CSNK1A1: variants seen among roughly 807,000 people sequenced by gnomAD.
CSNK1A1 encodes casein kinase I isoform alpha.
CSNK1A1 carries 7 observed loss-of-function variants against 46.1 expected under a neutral mutation model. The ratio of observed to expected loss-of-function variants is 0.15; its 90% CI spans 0.09 to 0.29. CSNK1A1 has a LOEUF of 0.29. Among genes scored for constraint, CSNK1A1 ranks in the 10% least tolerant of loss-of-function variants. The pLI, the probability that CSNK1A1 is intolerant of heterozygous loss-of-function variation, is 1.00. For missense variants in CSNK1A1, 96 were observed against 417.1 expected (o/e 0.23, Z 6.71); for synonymous variants, 137 against 141.5 (o/e 0.97, Z 0.23).
intron 9 of CSNK1A1, chr5:149,502,351 C>T (rs984986130): frequency 6.2e-6 from 6 of 964,132 alleles, no homozygotes; most frequent in Non-Finnish European, 4.9e-6. Context: ...TCTAAAAATT[C>T]CTTGTTGTGA....
chr5:149,521,270 CTTTTTTTTTTT>C (rs909460651), intron 3 of CSNK1A1, among the ~76,000 whole-genome samples: 1 of 123,950 alleles, frequency 8.1e-6, no homozygotes, highest in Non-Finnish European at 1.7e-5. Flanking sequence ...ATTTACTCTT[CTTTTTTTTTTT>C]TTTTTTTTGA....
chr5:149,521,716 A>G (rs1761577180), intron 3 of CSNK1A1, among the ~76,000 whole-genome samples: 1 of 151,672 alleles, frequency 6.6e-6, no homozygotes, highest in South Asian at 2.1e-4. Flanking sequence ...TCCTGGGTTC[A>G]AGCGATTCTC....
chr5:149,505,032 A>C, intron 9 of CSNK1A1: 1 of 986,964 alleles, frequency 1.0e-6, no homozygotes, highest in Non-Finnish European at 1.2e-6. Flanking sequence ...GTTAGTCTGA[A>C]ATAAAGTCAA....
chr5:149,551,041 A>C lies in CSNK1A1; in HGVS notation c.-77T>G. ...AGGACGGAGGCCTCGGGGCTCCTAC[A>C]CTAGGCAAGGCTACGGAGGAGGGCG... On this transcript the variant is annotated 5_prime_UTR_variant, in exon 1 of 10. Coordinates refer to ENST00000377843, the MANE Select transcript of CSNK1A1 (RefSeq NM_001892.6). 6.5e-7 allele frequency: 1 copy of C among 1,542,042 alleles called. No homozygotes were observed. The highest frequency in any genetic ancestry group is 8.9e-7 in the Non-Finnish European group (1 of 1,124,552).
chr5:149,508,122 A>G (rs1761093760), intron 7 of CSNK1A1, among the ~76,000 whole-genome samples: 2 of 152,184 alleles, frequency 1.3e-5, no homozygotes, highest in South Asian at 4.1e-4. Flanking sequence ...CTACAACCTT[A>G]TGATTGTAGA....
intron 4 of CSNK1A1, among the ~76,000 whole-genome samples, chr5:149,520,013 G>A (rs1761519671): frequency 6.6e-6 from 1 of 152,180 alleles, no homozygotes; most frequent in South Asian, 2.1e-4. Context: ...CTGTTCAACA[G>A]TTAAATAACT....
chr5:149,549,617 G>A lies in CSNK1A1; in HGVS notation c.230+458C>T, dbSNP rs1018919420. ...TTCCGCCATTTTCTAAGCGGAGGAG[G>A]AAGACATGTTGGAACAAAAACACAA... On this transcript the variant is annotated intron_variant, in intron 2 of 9. Coordinates refer to ENST00000377843, the MANE Select transcript of CSNK1A1 (RefSeq NM_001892.6). The A allele has an allele frequency of 1.9e-5, 13 of 669,600 alleles. No individual in the cohort carries two copies. The Admixed American group carries it at 2.5e-4, about 13-fold the overall frequency. The allele number at this position is 669,600 out of a possible 1,614,324, so 41.5% of individuals were successfully genotyped here.
intron 6 of CSNK1A1, among the ~76,000 whole-genome samples, chr5:149,510,633 T>C (rs1014961362): frequency 1.3e-5 from 2 of 151,774 alleles, no homozygotes; most frequent in Non-Finnish European, 2.9e-5. Flanking sequence ...CATGTGACAC[T>C]ACACCCTGCT....
rs146647149 is a variant in CSNK1A1, at chr5:149,509,587, T to G, written c.750+292A>C. 2.0e-4 allele frequency among the ~76,000 whole-genome samples: 30 copies of G among 152,298 alleles called. No individual in the cohort carries two copies. In the East Asian group the frequency reaches 5.2e-3, roughly 26 times the overall value. On this transcript the variant is annotated intron_variant, in intron 7 of 9. Coordinates refer to ENST00000377843, the MANE Select transcript of CSNK1A1 (RefSeq NM_001892.6). The stretch of plus-strand genomic sequence containing the variant: ...AGCTAATTTTTGTATTTTTGGTAGA[T>G]AAGGTATTTCACCATGTTGCCCAGG...
At chr5:149,529,068 G>C (rs990186317) in intron 2 of CSNK1A1, among the ~76,000 whole-genome samples, 3 of 152,290 alleles carry the variant, frequency 2.0e-5, no homozygotes, top group East Asian at 3.9e-4. Flanking sequence ...ACTAAAAAAA[G>C]TATTCCAGTT....
intron 2 of CSNK1A1, chr5:149,529,654 C>G: frequency 4.4e-6 from 2 of 454,894 alleles, no homozygotes; most frequent in South Asian, 3.1e-5. Flanking sequence ...AGGGAAGAGT[C>G]AAGGTGGCAG....
chr5:149,512,829 T>C (rs1761271579), intron 5 of CSNK1A1, among the ~76,000 whole-genome samples: 1 of 152,200 alleles, frequency 6.6e-6, no homozygotes, highest in African/African-American at 2.4e-5. Context: ...TGCTTCTAAC[T>C]TTCTATCACG....
intron 2 of CSNK1A1, among the ~76,000 whole-genome samples, chr5:149,531,213 T>C (rs1038350669): frequency 6.6e-6 from 1 of 152,022 alleles, no homozygotes; most frequent in Non-Finnish European, 1.5e-5. Flanking sequence ...TATAGCGAAA[T>C]TGAACTAGCA....
At chr5:149,536,758 G>T (rs1241344796) in intron 2 of CSNK1A1, among the ~76,000 whole-genome samples, 1 of 152,158 alleles carries the variant, frequency 6.6e-6, no homozygotes, top group African/African-American at 2.4e-5. Flanking sequence ...ATAAAAGTAA[G>T]TCCTTCAGTG....
chr5:149,503,838 AG>A (rs1760948503), intron 9 of CSNK1A1: 1 of 985,340 alleles, frequency 1.0e-6, no homozygotes, highest in Non-Finnish European at 1.2e-6. Context: ...GTTCTAGGTC[AG>A]AAGAGATTTC....
intron 3 of CSNK1A1, among the ~76,000 whole-genome samples, chr5:149,523,089 G>A (rs1050979753): frequency 1.3e-5 from 2 of 149,582 alleles, no homozygotes; most frequent in Non-Finnish European, 2.9e-5. Flanking sequence ...CCCCCAGGCT[G>A]GAGTGCAGTG....
intron 2 of CSNK1A1, chr5:149,549,290 C>T: frequency 1.8e-6 from 1 of 558,890 alleles, no homozygotes; most frequent in South Asian, 2.3e-5. Flanking sequence ...CAAATTTAGT[C>T]CCGACTGAAA....
At chr5:149,542,634 A>T (rs1178171282) in intron 2 of CSNK1A1, among the ~76,000 whole-genome samples, 4 of 10,390 alleles carry the variant, frequency 3.8e-4, no homozygotes, top group African/African-American at 1.4e-3. Context: ...ATATATATAT[A>T]TATATGTATA....
In CSNK1A1 at chr5:149,525,004, G is replaced by GT. The variant is rs559546550; in HGVS notation, c.357+40dup. On this transcript the variant is annotated intron_variant, in intron 3 of 9. Coordinates refer to ENST00000377843, the MANE Select transcript of CSNK1A1 (RefSeq NM_001892.6). The surrounding 1 kb of genome is among the most constrained non-coding windows in gnomAD (Gnocchi z 4.2). ...ATGAATAATGAAATTCCAGTCAACAGTACTAGTCTCAGTTTATATTCTAAT... is the reference window on the plus strand; with the variant it reads ...ATGAATAATGAAATTCCAGTCAACAGTTACTAGTCTCAGTTTATATTCTAAT... 7.9e-4 allele frequency: 1,235 copies of GT among 1,568,354 alleles called. 1 individual carries two copies. Among genetic ancestry groups the GT allele is most frequent in the Non-Finnish European group, 8.8e-4 (1,014 of 1,152,546 alleles).
Sources: allele counts gnomAD v4.1 joint callset (sites outside exome capture counted in the v4.1 genomes callset), GRCh38; gene constraint gnomAD v4.1.1; non-coding constraint Gnocchi (gnomAD v3.1); transcripts MANE v1.5; gene names NCBI Gene and HGNC (gene_info 2026-07-23, HGNC 2026-07-21).